The following PARD3 variants were observed in gnomAD, a reference collection of about 807,000 sequenced individuals.
The protein encoded by PARD3 is par-3 family cell polarity regulator.
Under a neutral mutation model 155.4 loss-of-function variants are expected in PARD3, and 75 were observed. The observed-to-expected ratio is 0.48, with a 90% CI of 0.40 to 0.58. The LOEUF (loss-of-function observed/expected upper bound fraction) is 0.58, where lower values mean the gene tolerates loss of function less well. Ranked by LOEUF, PARD3 falls within the 20% of genes least tolerant of loss-of-function variation. The pLI is 0.00. For synonymous variants in PARD3, 576 were observed against 610.5 expected, an observed-to-expected ratio of 0.94 and a Z score of 0.83; for missense variants, 1,642 against 1,721.7, an observed-to-expected ratio of 0.95 and a Z score of 0.82.
chr10:34,127,219 T>C (rs1472008720), intron 23 of PARD3, among the ~76,000 whole-genome samples: 1 of 152,228 alleles, frequency 6.6e-6, no homozygotes, highest in African/African-American at 2.4e-5. Context: ...GAAATACTCA[T>C]TTAGCCTCAA....
At chr10:34,168,696 T>C (rs1949652341) in intron 22 of PARD3, among the ~76,000 whole-genome samples, 1 of 152,206 alleles carries the variant, frequency 6.6e-6, no homozygotes, top group African/African-American at 2.4e-5. Flanking sequence ...TGTGTCCTGA[T>C]GTTTTGCCAA....
chr10:34,625,975 A>C (rs1402736987), intron 2 of PARD3, among the ~76,000 whole-genome samples: 1 of 152,202 alleles, frequency 6.6e-6, no homozygotes, highest in Non-Finnish European at 1.5e-5. Flanking sequence ...ACAGGTTCTT[A>C]AGTCTAACTC....
At chr10:34,410,311 G>C (rs111340254) in intron 5 of PARD3, among the ~76,000 whole-genome samples, 1 of 150,964 alleles carries the variant, frequency 6.6e-6, no homozygotes, top group Admixed American at 6.6e-5. Flanking sequence ...TTTTTTTTTA[G>C]ATCATATAGG....
intron 22 of PARD3, among the ~76,000 whole-genome samples, chr10:34,220,109 AT>A (rs1952201271): frequency 6.6e-6 from 1 of 152,190 alleles, no homozygotes; most frequent in Non-Finnish European, 1.5e-5. Flanking sequence ...AAACTGAATT[AT>A]TAACGCTGGG....
At chr10:34,752,844 CAG>C (rs1466112526) in intron 1 of PARD3, among the ~76,000 whole-genome samples, 4 of 152,196 alleles carry the variant, frequency 2.6e-5, no homozygotes, top group African/African-American at 4.8e-5. Flanking sequence ...TATGCAGAGA[CAG>C]GGGCTGTGTG....
At chr10:34,559,042 T>TCCCCCC (rs886905007) in intron 2 of PARD3, among the ~76,000 whole-genome samples, 1 of 149,990 alleles carries the variant, frequency 6.7e-6, no homozygotes, top group African/African-American at 2.5e-5. Flanking sequence ...AACTCATTTT[T>TCCCCCC]CCCCCCCACA....
At chr10:34,716,671 C>T (rs1412958573) in intron 1 of PARD3, among the ~76,000 whole-genome samples, 3 of 144,060 alleles carry the variant, frequency 2.1e-5, no homozygotes, top group African/African-American at 5.1e-5. Flanking sequence ...TGGCTCACTG[C>T]AACCTCTGCC....
At position 34,354,588 on chromosome 10, in the gene PARD3, G is replaced by A. The variant is rs569847589; in HGVS notation, c.2067+4559C>T. On this transcript the variant is annotated intron_variant, in intron 14 of 24. Transcript: ENST00000374788. ...AGCTGCTGGGTGAAGGGGAGTACAC[G>A]GGGCTATGAAAATCCTTTGGAAGAG... 3.9e-5 allele frequency among the ~76,000 whole-genome samples: 6 copies of A among 152,194 alleles called. No individual in the cohort carries two copies. In the South Asian group the frequency reaches 6.2e-4, roughly 16 times the overall value.
intron 16 of PARD3, among the ~76,000 whole-genome samples, chr10:34,340,019 A>G (rs908699073): frequency 6.6e-6 from 1 of 152,182 alleles, no homozygotes; most frequent in Admixed American, 6.5e-5. Flanking sequence ...AGATATTGTC[A>G]GGCTGGAAAA....
At chr10:34,225,349 CTT>C (rs572767003) in intron 22 of PARD3, among the ~76,000 whole-genome samples, 8 of 141,868 alleles carry the variant, frequency 5.6e-5, no homozygotes, top group African/African-American at 5.3e-5. Flanking sequence ...TTTTTTTTCT[CTT>C]TTTTTTTTTT....
chr10:34,195,864 A>G (rs552161881), intron 22 of PARD3, among the ~76,000 whole-genome samples: 17 of 152,306 alleles, frequency 1.1e-4, no homozygotes, highest in Admixed American at 2.6e-4. Flanking sequence ...CAAGCTCCTT[A>G]ACCATTACCT....
intron 20 of PARD3, among the ~76,000 whole-genome samples, chr10:34,309,758 G>GC (rs370412959): frequency 0.12 from 6,430 of 53,498 alleles, 558 homozygotes; most frequent in African/African-American, 0.32. Flanking sequence ...CCACCCCCCC[G>GC]CCCCCCCAAG....
Position 34,450,423 on chromosome 10 carries a change from G to A in PARD3, c.608C>T (p.Pro203Leu), listed in dbSNP as rs201197648. The A allele has an allele frequency of 3.7e-6, 6 of 1,613,072 alleles. No individual in the cohort carries two copies. Among genetic ancestry groups the A allele is most frequent in the Admixed American group, 3.3e-5 (2 of 59,854 alleles). ...RKKDENYRSLPRDTSNWSNQF... is the reference protein window; with the variant it reads ...RKKDENYRSLLRDTSNWSNQF... ...GTTAGACCAGTTACTAGTATCCCGC[G>A]GGAGGCTTCTGTAGTTTTCATCTTT... is the stretch of plus-strand genomic sequence containing the variant. Residue 203 changes from proline to leucine, a missense_variant, in exon 5 of 25, where the codon CCG becomes CTG. Around this residue, in one of 3 missense-constraint regions of PARD3, gnomAD observed 1,529 missense variants for 1,587.3 expected, o/e 0.96. Transcript: ENST00000374788.
chr10:34,720,407 T>C (rs368100713), intron 1 of PARD3, among the ~76,000 whole-genome samples: 4 of 119,050 alleles, frequency 3.4e-5, no homozygotes, highest in African/African-American at 1.3e-4. Context: ...GCTGAGATCA[T>C]ACCACTGCAC....
chr10:34,351,613 A>G (rs1472098842), intron 14 of PARD3, among the ~76,000 whole-genome samples: 1 of 152,230 alleles, frequency 6.6e-6, no homozygotes, highest in African/African-American at 2.4e-5. Flanking sequence ...TCACATCCCC[A>G]TGAGGGCAAT....
At chr10:34,672,913 T>C (rs576112411) in intron 2 of PARD3, among the ~76,000 whole-genome samples, 7 of 152,254 alleles carry the variant, frequency 4.6e-5, no homozygotes, top group Non-Finnish European at 8.8e-5. Context: ...AAAGACCTTG[T>C]CTTGCTTGAT....
intron 2 of PARD3, among the ~76,000 whole-genome samples, chr10:34,692,508 C>T (rs1300655121): frequency 1.3e-5 from 2 of 152,086 alleles, no homozygotes; most frequent in Non-Finnish European, 2.9e-5. Context: ...ATTATGCATC[C>T]AACAAAGGTT....
At chr10:34,165,100 G>A (rs557736899) in intron 22 of PARD3, among the ~76,000 whole-genome samples, 7 of 152,010 alleles carry the variant, frequency 4.6e-5, no homozygotes, top group Non-Finnish European at 8.8e-5. Flanking sequence ...AAAAAAAAAG[G>A]TTCCTTTAAT....
chr10:34,417,717 C>T (rs572369738), intron 5 of PARD3, among the ~76,000 whole-genome samples: 8 of 152,204 alleles, frequency 5.3e-5, no homozygotes, highest in Non-Finnish European at 1.2e-4. Context: ...GACTTTTCAC[C>T]ACAAAAAGGA....
Sources: gnomAD v4.1 joint callset for allele counts (sites outside exome capture counted in the v4.1 genomes callset) on GRCh38, gnomAD v4.1.1 for gene constraint, gnomAD v4.1.1 regional missense constraint, MANE v1.5 for transcripts, NCBI Gene and HGNC (gene_info 2026-07-23, HGNC 2026-07-21) for gene names.